COG5: variants seen among roughly 807,000 people sequenced by gnomAD.
COG5 encodes the protein component of oligomeric golgi complex 5, also known as conserved oligomeric Golgi complex subunit 5.
A neutral mutation model predicts 110.4 loss-of-function variants in COG5; 86 were observed. That is an observed-to-expected ratio of 0.78 (90% CI 0.65 to 0.93). The LOEUF is 0.93. Ranked by LOEUF, COG5 falls within the 40% of genes least tolerant of loss-of-function variation. The pLI, the probability that COG5 is intolerant of heterozygous loss-of-function variation, is 0.00. For missense variants in COG5, 1,077 were observed against 987.0 expected, an observed-to-expected ratio of 1.09 and a Z score of -1.22; for synonymous variants, 360 against 334.6, an observed-to-expected ratio of 1.08 and a Z score of -0.83.
At chr7:107,319,772 G>C (rs1809091593) in intron 11 of COG5, among the ~76,000 whole-genome samples, 1 of 152,086 alleles carries the variant, frequency 6.6e-6, no homozygotes, top group Non-Finnish European at 1.5e-5. Context: ...CTGAGTGACT[G>C]AGTGATAAGA....
At chr7:107,496,856 G>GAAC (rs1235387574) in intron 6 of COG5, among the ~76,000 whole-genome samples, 2 of 151,942 alleles carry the variant, frequency 1.3e-5, no homozygotes, top group Non-Finnish European at 2.9e-5. Context: ...CATATATGAA[G>GAAC]AACACACAGC....
Position 107,228,776 on chromosome 7 carries a change from T to TAA in COG5, c.2168+1837_2168+1838dup, listed in dbSNP as rs555581676. Among the ~76,000 whole-genome samples the TAA allele has an allele frequency of 1.7e-4, 24 of 142,614 alleles. No homozygotes were observed. In the South Asian group the frequency reaches 1.8e-3, roughly 11 times the overall value. 93.6% of individuals were successfully genotyped at this position (142,614 alleles called of 152,430 possible). A position where few individuals can be genotyped will look rare whatever the true frequency, so the allele number is the denominator to read the frequency against. ...AAAATCCAGACTCTTGTGTTGCCAT[T>TAA]AAAAAAAAAAAAAGGCCTGTGCTAA... On this transcript the variant is annotated intron_variant, in intron 19 of 21. Transcript: ENST00000297135.
At chr7:107,281,162 A>C (rs1805134084) in intron 14 of COG5, 138 bp downstream of exon 14, 1 of 674,486 alleles carries the variant, frequency 1.5e-6, no homozygotes. Context: ...TAAATTCATC[A>C]GGAAGTTACA....
intron 3 of COG5, among the ~76,000 whole-genome samples, chr7:107,549,882 G>T (rs1195997884): frequency 6.6e-6 from 1 of 152,016 alleles, no homozygotes; most frequent in Non-Finnish European, 1.5e-5. Flanking sequence ...GTTTTAAATA[G>T]TATCTGTTCA....
intron 6 of COG5, among the ~76,000 whole-genome samples, chr7:107,431,152 C>T (rs912422584): frequency 6.6e-6 from 1 of 152,170 alleles, no homozygotes; most frequent in Admixed American, 6.5e-5. Context: ...AAAAATAAAT[C>T]TGTATTGTTT....
chr7:107,527,864 G>A (rs1253973137), intron 5 of COG5, among the ~76,000 whole-genome samples: 5 of 152,120 alleles, frequency 3.3e-5, no homozygotes, highest in Admixed American at 6.5e-5. Context: ...CCAGGCCACA[G>A]CCCTGACCAA....
At chr7:107,402,507 T>C (rs1468120362) in intron 7 of COG5, among the ~76,000 whole-genome samples, 2 of 152,228 alleles carry the variant, frequency 1.3e-5, no homozygotes, top group Non-Finnish European at 2.9e-5. Flanking sequence ...GGGGGACTGG[T>C]ATCTATGGTG....
intron 7 of COG5, among the ~76,000 whole-genome samples, chr7:107,386,782 AAAC>A (rs1790240116): frequency 6.6e-6 from 1 of 152,150 alleles, no homozygotes; most frequent in South Asian, 2.1e-4. Context: ...GAGAAATCTG[AAAC>A]AACATTATGC....
At position 107,220,494 on chromosome 7, in the gene COG5, T is replaced by C. The variant is rs1394378788; in HGVS notation, c.2169-9269A>G. Among the ~76,000 whole-genome samples, 3 of 152,240 alleles carry C rather than the reference T, an allele frequency of 2.0e-5. No homozygotes were observed. The East Asian group carries it at 5.8e-4, about 29-fold the overall frequency. ...GGAAACTGACTCTGGGTTGGAATGATGACGAGGCTATGCCTCAGCTCTGCT... is the reference window on the plus strand; with the variant it reads ...GGAAACTGACTCTGGGTTGGAATGACGACGAGGCTATGCCTCAGCTCTGCT... On this transcript the variant is annotated intron_variant, in intron 19 of 21. Coordinates refer to ENST00000297135, the MANE Select transcript of COG5 (RefSeq NM_006348.5).
At chr7:107,306,704 A>C (rs1031131966) in intron 11 of COG5, among the ~76,000 whole-genome samples, 1 of 152,190 alleles carries the variant, frequency 6.6e-6, no homozygotes, top group African/African-American at 2.4e-5. Context: ...GATATAAAGC[A>C]TACACAATCT....
intron 21 of COG5, chr7:107,210,196 G>A (rs760223756): frequency 8.6e-7 from 1 of 1,164,128 alleles, no homozygotes; most frequent in Non-Finnish European, 1.1e-6. Context: ...ACATAAAAAT[G>A]AAGTAAAAGA....
rs1349291321 is a variant in COG5 at position 107,203,468 on chromosome 7, C to CTTT, written c.*47_*48insAAA. 1.5e-6 allele frequency: 2 copies of CTTT among 1,290,756 alleles called. No individual in the cohort carries two copies. The highest frequency in any genetic ancestry group is 1.7e-5 in the Admixed American group (1 of 59,622). 80.0% of individuals were successfully genotyped at this position (1,290,756 alleles called of 1,614,324 possible). A position where few individuals can be genotyped will look rare whatever the true frequency, so the allele number is the denominator to read the frequency against. ...TTTGGAGTATGTGTTTAACTGCCAA[C>CTTT]TATGAATGGGTTAGCACAAAGTGGA... On this transcript the variant is annotated 3_prime_UTR_variant, in exon 22 of 22. Coordinates refer to ENST00000297135, the MANE Select transcript of COG5 (RefSeq NM_006348.5).
intron 17 of COG5, among the ~76,000 whole-genome samples, chr7:107,246,742 A>G (rs191151510): frequency 1.6e-3 from 242 of 152,320 alleles, no homozygotes; most frequent in African/African-American, 5.5e-3. Flanking sequence ...GAGGTTGCAG[A>G]GAAAAGGGAA....
intron 1 of COG5, among the ~76,000 whole-genome samples, chr7:107,558,472 C>T (rs1325345460): frequency 2.0e-5 from 3 of 151,944 alleles, no homozygotes; most frequent in African/African-American, 4.8e-5. Flanking sequence ...GGCATCATGG[C>T]GGGTGCCTGT....
At position 107,201,708 on chromosome 7, in the gene COG5, A is replaced by G. The variant is rs1798324203; in HGVS notation, c.*1808T>C. 2.8e-6 allele frequency: 1 copy of G among 356,596 alleles called. No homozygotes were observed. Among genetic ancestry groups the G allele is most frequent in the Admixed American group, 4.4e-5 (1 of 22,606 alleles). 22.1% of individuals were successfully genotyped at this position (356,596 alleles called of 1,614,324 possible). ...GGTAATAATAGGCTTGAAAATTGAT[A>G]TCCTGTGGTGCTAAAGTACAGTAGA... On this transcript the variant is annotated 3_prime_UTR_variant, in exon 22 of 22. Transcript: ENST00000297135.
chr7:107,210,545 C>T lies in COG5; in HGVS notation c.2356G>A (p.Asp786Asn). ...CTTTACCTGATGAGGAGGAGCCTGT[C>T]CTTTTCAGATGGATGGTCATCCAGC... The part of the protein sequence containing the change: ...QWLDDHPSEK[D>N]RLLLIRGALE... Residue 786 changes from aspartate to asparagine, a missense_variant, in exon 21 of 22, where the codon GAC becomes AAC. Asp to Asn is a conservative substitution (Grantham distance 23). Transcript: ENST00000297135. 1 of 1,601,970 alleles carries T rather than the reference C, an allele frequency of 6.2e-7. No individual in the cohort carries two copies. The highest frequency in any genetic ancestry group is 8.5e-7 in the Non-Finnish European group (1 of 1,174,390).
At chr7:107,251,896 A>G (rs781555611) in intron 16 of COG5, among the ~76,000 whole-genome samples, 1 of 152,190 alleles carries the variant, frequency 6.6e-6, no homozygotes, top group Admixed American at 6.6e-5. Flanking sequence ...ATTGAAACAG[A>G]AAACAGAGAA....
At chr7:107,555,206 C>T (rs796083810) in intron 2 of COG5, among the ~76,000 whole-genome samples, 13 of 152,276 alleles carry the variant, frequency 8.5e-5, no homozygotes, top group African/African-American at 3.1e-4. Flanking sequence ...AATTAGGGCA[C>T]TGCAGATGGC....
At chr7:107,229,828 T>G (rs529841552) in intron 19 of COG5, among the ~76,000 whole-genome samples, 73 of 99,088 alleles carry the variant, frequency 7.4e-4, no homozygotes, top group African/African-American at 2.3e-3. Flanking sequence ...GATTCTTCTG[T>G]TTTTTTTTTG....
Sources: gnomAD v4.1 joint callset for allele counts (sites outside exome capture counted in the v4.1 genomes callset) on GRCh38, gnomAD v4.1.1 for gene constraint, MANE v1.5 for transcripts, NCBI Gene and HGNC (gene_info 2026-07-23, HGNC 2026-07-21) for gene names.